The following USP32 variants were observed in gnomAD, a reference collection of about 807,000 sequenced individuals.
USP32 encodes ubiquitin carboxyl-terminal hydrolase 32.
USP32 carries 59 observed loss-of-function variants against 204.8 expected under a neutral mutation model. That is an observed-to-expected ratio of 0.29 (90% CI 0.23 to 0.36). The LOEUF is 0.36. USP32 is among the 10% of genes least tolerant of loss of function. The pLI is 1.00. For synonymous variants in USP32, 517 were observed against 678.4 expected (o/e 0.76, Z 3.70); for missense variants, 1,160 against 1,946.4 (o/e 0.60, Z 7.60).
intron 2 of USP32, among the ~76,000 whole-genome samples, chr17:60,307,859 G>A (rs1263445026): frequency 6.6e-6 from 1 of 152,170 alleles, no homozygotes; most frequent in Non-Finnish European, 1.5e-5. Flanking sequence ...ACAATTGGCT[G>A]GACGTTGAGA....
chr17:60,225,759 C>G (rs1363956136), intron 13 of USP32, among the ~76,000 whole-genome samples: 1 of 152,004 alleles, frequency 6.6e-6, no homozygotes, highest in African/African-American at 2.4e-5. Flanking sequence ...CAAGACCAGC[C>G]TGGCCAACAT....
chr17:60,334,821 CT>C (rs1438686782), intron 2 of USP32, among the ~76,000 whole-genome samples: 1 of 143,460 alleles, frequency 7.0e-6, no homozygotes, highest in Non-Finnish European at 1.5e-5. Context: ...CTGTGTCTAG[CT>C]TTAGCAGCTC....
intron 9 of USP32, among the ~76,000 whole-genome samples, chr17:60,264,881 A>AAG (rs1555604167): frequency 0.011 from 1,486 of 141,142 alleles, 24 homozygotes; most frequent in African/African-American, 0.014. Context: ...AAAAAAAAAA[A>AAG]AGAGAGAGAG....
At chr17:60,336,493 A>C (rs1440542733) in intron 2 of USP32, among the ~76,000 whole-genome samples, 6 of 141,626 alleles carry the variant, frequency 4.2e-5, no homozygotes, top group Non-Finnish European at 8.9e-5. Flanking sequence ...AGGCGGGCGG[A>C]TCACGAGGTC....
chr17:60,282,587 C>T (rs1011568414), intron 5 of USP32, among the ~76,000 whole-genome samples: 4 of 152,144 alleles, frequency 2.6e-5, no homozygotes, highest in African/African-American at 9.7e-5. Context: ...CTCTTGACCT[C>T]GTGATCCACC....
chr17:60,308,088 G>A (rs1467474373), intron 2 of USP32, among the ~76,000 whole-genome samples: 1 of 152,176 alleles, frequency 6.6e-6, no homozygotes. Context: ...CCGTCCAGCT[G>A]CTGAGAGCTA....
Position 60,239,362 on chromosome 17 carries a change from C to T in USP32, c.1137-3122G>A, listed in dbSNP as rs577744959. On this transcript the variant is annotated intron_variant, in intron 11 of 33. Transcript: ENST00000300896. The stretch of plus-strand genomic sequence containing the variant: ...TTAAGTCCAATGAGCTTTTTGAACG[C>T]GTAGGTTCACGTCTTAAGAAGTTTA... Among the ~76,000 whole-genome samples the T allele has an allele frequency of 2.9e-4, 44 of 152,300 alleles. No individual in the cohort carries two copies. In the South Asian group the frequency reaches 6.2e-3, roughly 22 times the overall value.
At chr17:60,414,695 C>T (rs918165648) in intron 1 of USP32, among the ~76,000 whole-genome samples, 11 of 152,142 alleles carry the variant, frequency 7.2e-5, no homozygotes, top group Non-Finnish European at 1.6e-4. Flanking sequence ...TCCAGAAGAG[C>T]TGGGATTACA....
rs987503105 is a variant in USP32 at position 60,219,513 on chromosome 17, A to C, written c.1867+157T>G. On this transcript the variant is annotated intron_variant, in intron 16 of 33. Transcript: ENST00000300896. ...TGAGTCTGTAGGAAAGCTGATGGGA[A>C]TGTGTATCAATACAGTGGCACCAGA... The C allele has an allele frequency of 7.6e-5, 70 of 915,502 alleles. 1 individual carries two copies. The African/African-American group carries it at 1.0e-3, about 13-fold the overall frequency. The allele number at this position is 915,502 out of a possible 1,614,324, so 56.7% of individuals were successfully genotyped here.
Position 60,269,484 on chromosome 17 carries a change from G to C in USP32, c.777C>G (p.Ala259=), listed in dbSNP as rs1438656596. 6.2e-7 allele frequency: 1 copy of C among 1,610,470 alleles called. No individual in the cohort carries two copies. Among genetic ancestry groups the C allele is most frequent in the Admixed American group, 1.7e-5 (1 of 59,136 alleles). Residue 259 remains alanine, a synonymous_variant, in exon 7 of 34, where the codon GCC becomes GCG. Coordinates refer to ENST00000300896, the MANE Select transcript of USP32 (RefSeq NM_032582.4). ...TTTCAGCCAGGGGTCCCCTGCAACAGGCTGATAACCCACAGGATATCTCCT... is the reference window on the plus strand; with the variant it reads ...TTTCAGCCAGGGGTCCCCTGCAACACGCTGATAACCCACAGGATATCTCCT... The part of the protein sequence containing the change: ...DFKEISCGLS[A]CCRGPLAERQ...
intron 2 of USP32, among the ~76,000 whole-genome samples, chr17:60,328,329 A>T (rs1474517784): frequency 6.6e-6 from 1 of 152,084 alleles, no homozygotes. Flanking sequence ...CCAGGTGCAG[A>T]GAGGAGCTAC....
At chr17:60,276,081 T>G (rs748166995) in intron 5 of USP32, among the ~76,000 whole-genome samples, 12 of 152,252 alleles carry the variant, frequency 7.9e-5, no homozygotes, top group African/African-American at 2.9e-4. Flanking sequence ...GGGATCTAAT[T>G]TTTAAAATAT....
At chr17:60,328,722 C>G (rs1438792841) in intron 2 of USP32, among the ~76,000 whole-genome samples, 1 of 152,200 alleles carries the variant, frequency 6.6e-6, no homozygotes, top group African/African-American at 2.4e-5. Context: ...TCTTTGGGGC[C>G]CTGCGGTTCC....
chr17:60,255,063 T>A (rs879118786), intron 10 of USP32, 112 bp downstream of exon 10: 10 of 614,210 alleles, frequency 1.6e-5, no homozygotes, highest in African/African-American at 4.0e-5. Flanking sequence ...TTTTTTTTTT[T>A]AATATATGGT....
intron 1 of USP32, among the ~76,000 whole-genome samples, chr17:60,406,527 CT>C (rs2089977494): frequency 6.6e-6 from 1 of 151,074 alleles, no homozygotes; most frequent in African/African-American, 2.4e-5. Flanking sequence ...TTTTTTTTCT[CT>C]TTTTTGAGAC....
chr17:60,353,914 G>T (rs979705578), intron 1 of USP32, among the ~76,000 whole-genome samples: 3 of 152,070 alleles, frequency 2.0e-5, no homozygotes, highest in Admixed American at 6.6e-5. Context: ...AACTTTTAGA[G>T]GTTACCGTGT....
chr17:60,391,998 G>A lies in USP32; in HGVS notation c.-59C>T. 2 of 1,330,430 alleles carry A rather than the reference G, an allele frequency of 1.5e-6. No individual in the cohort carries two copies. The highest frequency in any genetic ancestry group is 1.9e-6 in the Non-Finnish European group (2 of 1,029,934). The allele number at this position is 1,330,430 out of a possible 1,614,324, so 82.4% of individuals were successfully genotyped here. A position where few individuals can be genotyped will look rare whatever the true frequency, so the allele number is the denominator to read the frequency against. ...CTGATCTCGCCCCCACCCCCCTCCCGCCTTCTCCTCGGCGTCCCTGGGTGA... is the reference window on the plus strand; with the variant it reads ...CTGATCTCGCCCCCACCCCCCTCCCACCTTCTCCTCGGCGTCCCTGGGTGA... On this transcript the variant is annotated 5_prime_UTR_variant, in exon 1 of 34. Coordinates refer to ENST00000300896, the MANE Select transcript of USP32 (RefSeq NM_032582.4).
At chr17:60,182,235 C>A (rs1464781778) in intron 31 of USP32, among the ~76,000 whole-genome samples, 1 of 152,128 alleles carries the variant, frequency 6.6e-6, no homozygotes, top group Non-Finnish European at 1.5e-5. Context: ...TTACCCATAG[C>A]CCCTTTTATA....
At chr17:60,198,752 T>C (rs1313021063) in intron 26 of USP32, among the ~76,000 whole-genome samples, 1 of 152,238 alleles carries the variant, frequency 6.6e-6, no homozygotes, top group Non-Finnish European at 1.5e-5. Context: ...CTGACTCACA[T>C]GTAAAAACTA....
Sources: allele counts gnomAD v4.1 joint callset (sites outside exome capture counted in the v4.1 genomes callset), GRCh38; gene constraint gnomAD v4.1.1; transcripts MANE v1.5; gene names NCBI Gene and HGNC (gene_info 2026-07-23, HGNC 2026-07-21).